The following CREBZF variants were observed in gnomAD, a reference collection of about 807,000 sequenced individuals.
The protein encoded by CREBZF is HCF-binding transcription factor Zhangfei.
Under a neutral mutation model 21.1 loss-of-function variants are expected in CREBZF, and 8 were observed. The ratio of observed to expected loss-of-function variants is 0.38; its 90% confidence interval spans 0.22 to 0.68. CREBZF has a LOEUF of 0.68. CREBZF is among the 30% of genes least tolerant of loss of function. The probability of loss-of-function intolerance (pLI) is 0.51; values close to 1 mark genes in which losing one functional copy is unlikely to be tolerated. For synonymous variants in CREBZF, 270 were observed against 223.3 expected, an observed-to-expected ratio of 1.21 and a Z score of -1.86; for missense variants, 518 against 484.3, an observed-to-expected ratio of 1.07 and a Z score of -0.65.
Position 85,671,253 on chromosome 11 carries a change from G to T in CREBZF, n.148-7652C>A, listed in dbSNP as rs182438680. 1.8e-4 allele frequency among the ~76,000 whole-genome samples: 28 copies of T among 152,304 alleles called. No homozygotes were observed. In the East Asian group the frequency reaches 5.2e-3, roughly 28 times the overall value. On this transcript the variant is annotated intron_variant and non_coding_transcript_variant, in intron 1 of 3. Transcript: ENST00000531515. ...AGACTTATTCACTACAGTGAAAACA[G>T]CATAGAAAAATTTGCCCCCATGATT...
At chr11:85,679,274 A>T (rs1000136799) in intron 1 of CREBZF, among the ~76,000 whole-genome samples, 1 of 152,170 alleles carries the variant, frequency 6.6e-6, no homozygotes, top group Non-Finnish European at 1.5e-5. Flanking sequence ...GGCTGGAGGA[A>T]CCTGCTATGC....
rs777997263 is a variant in CREBZF, at chr11:85,664,621, C to T, written c.255G>A (p.Glu85=). The change falls in exon 1 of 1, where the codon GAG becomes GAA. Residue 85 remains glutamate, a synonymous_variant. Transcript: ENST00000527447. The surrounding 1 kb of genome is among the most constrained non-coding windows in gnomAD (Gnocchi z 5.5). ...CCCCCGGGAGGCTGGCGATCGCCTC[C>T]TCCTCCATCTCCTCGGGGGAGGGCG... ...VRAPSPEEME[E]EAIASLPGEE... 6.2e-6 allele frequency: 10 copies of T among 1,612,784 alleles called. No homozygotes were observed. In the East Asian group the frequency reaches 1.8e-4, roughly 29 times the overall value.
At position 85,664,781 on chromosome 11, in the gene CREBZF, G is replaced by A. The variant is rs1441496556; in HGVS notation, c.95C>T (p.Pro32Leu). 1 of 1,588,514 alleles carries A rather than the reference G, an allele frequency of 6.3e-7. No individual in the cohort carries two copies. The highest frequency in any genetic ancestry group is 1.1e-5 in the South Asian group (1 of 88,372). ...CGCTGCAGCCCGGGTCAGGTCAGAG[G>A]GCAGCGAACAAGTTGCAGCCGGCTC... ...SPEPAATCSL[P>L]SDLTRAAAGE... The change falls in exon 1 of 1, where the codon CCC becomes CTC. Residue 32 changes from proline (P) to leucine (L), a missense_variant. Pro to Leu is a moderately conservative substitution (Grantham distance 98, BLOSUM62 -3). This residue lies in a region of CREBZF where 396 missense variants were observed against 324.4 expected (regional missense o/e 1.22). Transcript: ENST00000527447. This position sits in a 1 kb window ranked among gnomAD's most constrained non-coding sequence, Gnocchi z 5.5.
upstream of CREBZF, among the ~76,000 whole-genome samples, chr11:85,668,289 A>C (rs1388376187): frequency 6.6e-6 from 1 of 152,208 alleles, no homozygotes; most frequent in Non-Finnish European, 1.5e-5. Context: ...TTTTATGGAA[A>C]TTGCATTAAA....
chr11:85,678,497 A>G lies in CREBZF; in HGVS notation n.147+4220T>C, dbSNP rs150398784. Among the ~76,000 whole-genome samples, 8 of 152,344 alleles carry G rather than the reference A, an allele frequency of 5.3e-5. No homozygotes were observed. The East Asian group carries it at 1.5e-3, about 29-fold the overall frequency. ...TCTTGAAAATTTTCTCCCTAGCAAC[A>G]TTAACATAATTATTTTTTGCTTTAG... On this transcript the variant is annotated intron_variant and non_coding_transcript_variant, in intron 1 of 3. Coordinates refer to the CREBZF transcript ENST00000531515.
In CREBZF at chr11:85,664,462, A is replaced by G; in HGVS notation, c.414T>C (p.Asp138=). 1 of 1,613,568 alleles carries G rather than the reference A, an allele frequency of 6.2e-7. No individual in the cohort carries two copies. The highest frequency in any genetic ancestry group is 8.5e-7 in the Non-Finnish European group (1 of 1,179,924). ...CGTCCCCTCTCCACAGGCCGCCGCT[A>G]TCCGAGCCTCCGCCAGACGAGGAGA... ...GPLSSSGGGS[D]SGGLWRGDDD... Residue 138 remains aspartate, a synonymous_variant, in exon 1 of 1, where the codon GAT becomes GAC. Transcript: ENST00000527447. The surrounding 1 kb of genome is among the most constrained non-coding windows in gnomAD (Gnocchi z 5.5).
In CREBZF at chr11:85,664,888, C is replaced by T. The variant is rs765207102; in HGVS notation, c.-13G>A. On this transcript the variant is annotated 5_prime_UTR_variant, in exon 1 of 1. Coordinates refer to ENST00000527447, the MANE Select transcript of CREBZF (RefSeq NM_001039618.4). This position sits in a 1 kb window ranked among gnomAD's most constrained non-coding sequence, Gnocchi z 5.5. ...GGCTATGCCTCATGAGGGCCAGCGG[C>T]GGGCCGCGGTAGGCCCCGGCCGCTA... 2.1e-5 allele frequency: 30 copies of T among 1,451,060 alleles called. No homozygotes were observed. The highest frequency in any genetic ancestry group is 2.6e-4 in the Middle Eastern group (1 of 3,852). The allele number at this position is 1,451,060 out of a possible 1,614,324, so 89.9% of individuals were successfully genotyped here.
chr11:85,663,944 C>G lies in CREBZF; in HGVS notation c.932G>C (p.Gly311Ala). The G allele has an allele frequency of 3.1e-6, 5 of 1,613,888 alleles. No homozygotes were observed. The highest frequency in any genetic ancestry group is 4.2e-6 in the Non-Finnish European group (5 of 1,180,030). ...TTCCAGCAGGTCCTGCTTCTGCTTT[C>G]CCACCGGCAGAGCGTAGTCGTGGTC... The part of the protein sequence containing the change: ...AGDHDYALPV[G>A]KQKQDLLEED... Residue 311 changes from glycine to alanine, a missense_variant, in exon 1 of 1, where the codon GGA (glycine) becomes GCA (alanine). Physicochemically the swap from Gly to Ala is moderately conservative, Grantham distance 60. Transcript: ENST00000527447.
At position 85,662,764 on chromosome 11, in the gene CREBZF, CAA is replaced by C. The variant is rs1356625552; in HGVS notation, c.*1045_*1046del. On this transcript the variant is annotated 3_prime_UTR_variant, in exon 1 of 1. Transcript: ENST00000527447. ...GTTTTCATTCACATTTCACAACCTT[CAA>C]TATCTAATCATACATATATAAATTT... 3 of 248,324 alleles carry C rather than the reference CAA, an allele frequency of 1.2e-5. No individual in the cohort carries two copies. The highest frequency in any genetic ancestry group is 1.5e-5 in the Non-Finnish European group (2 of 130,918). The allele number at this position is 248,324 out of a possible 1,614,324, so 15.4% of individuals were successfully genotyped here.
upstream of CREBZF, among the ~76,000 whole-genome samples, chr11:85,665,777 A>G (rs1591485970): frequency 6.6e-6 from 1 of 152,176 alleles, no homozygotes; most frequent in Non-Finnish European, 1.5e-5. Context: ...CCAAAATCCA[A>G]TCAGTACTGA....
At chr11:85,665,933 C>A (rs2082854991), upstream of CREBZF, among the ~76,000 whole-genome samples, 1 of 152,230 alleles carries the variant, frequency 6.6e-6, no homozygotes, top group East Asian at 1.9e-4. Context: ...CGACCTTATA[C>A]AAAACCTCTG....
Position 85,659,439 on chromosome 11 carries a change from T to G in CREBZF, c.*4372A>C, listed in dbSNP as rs1025977101. On this transcript the variant is annotated 3_prime_UTR_variant, in exon 1 of 1. Transcript: ENST00000527447. ...GCTGTACTGTAGGAGCATCAGCGCC[T>G]AAGTTTTAAGCCAGTGGGAATACTC... Among the ~76,000 whole-genome samples, 1 of 152,096 alleles carries G rather than the reference T, an allele frequency of 6.6e-6. No homozygotes were observed. The highest frequency in any genetic ancestry group is 2.4e-5 in the African/African-American group (1 of 41,450).
Position 85,662,655 on chromosome 11 carries a change from C to G in CREBZF, c.*1156G>C. On this transcript the variant is annotated 3_prime_UTR_variant, in exon 1 of 1. Transcript: ENST00000527447. ...CGTGTCATTTAAGTGGCCAGAACCA[C>G]TCAATTTAAAAAATTATTTTAAAAT... The G allele has an allele frequency of 2.4e-6, 1 of 414,460 alleles. No homozygotes were observed. Among genetic ancestry groups the G allele is most frequent in the East Asian group, 3.4e-5 (1 of 29,756 alleles). The allele number at this position is 414,460 out of a possible 1,614,324, so 25.7% of individuals were successfully genotyped here.
chr11:85,679,487 G>C (rs1311049788), intron 1 of CREBZF, among the ~76,000 whole-genome samples: 3 of 152,204 alleles, frequency 2.0e-5, no homozygotes, highest in African/African-American at 7.2e-5. Flanking sequence ...GATCAGAAAT[G>C]AAAGATCAGA....
chr11:85,666,565 C>T (rs901592357), upstream of CREBZF, among the ~76,000 whole-genome samples: 1 of 152,200 alleles, frequency 6.6e-6, no homozygotes, highest in Non-Finnish European at 1.5e-5. Context: ...CTTAAAGAAA[C>T]TTCTCTATAG....
At position 85,659,552 on chromosome 11, in the gene CREBZF, CTG is replaced by C; in HGVS notation, c.*4257_*4258del. Among the ~76,000 whole-genome samples the C allele has an allele frequency of 6.6e-6, 1 of 152,154 alleles. No homozygotes were observed. Among genetic ancestry groups the C allele is most frequent in the South Asian group, 2.1e-4 (1 of 4,824 alleles). On this transcript the variant is annotated 3_prime_UTR_variant, in exon 1 of 1. Coordinates refer to ENST00000527447, the MANE Select transcript of CREBZF (RefSeq NM_001039618.4). The stretch of plus-strand genomic sequence containing the variant: ...AAGTTTTGAATAATACAATAACCAA[CTG>C]TATATTTATTATGAAGTAAAAGCCA...
intron 1 of CREBZF, among the ~76,000 whole-genome samples, chr11:85,681,506 T>C (rs946032963): frequency 1.3e-5 from 2 of 152,232 alleles, no homozygotes; most frequent in African/African-American, 4.8e-5. Context: ...TTTCAAGCTC[T>C]CTTTCATAAT....
chr11:85,658,314 A>C lies in CREBZF; in HGVS notation c.*5497T>G, dbSNP rs1325038213. ...ATTCCTAGTCCAATTACTCCCTAGC[A>C]TAATACCATTTATAAATGAGGATGA... On this transcript the variant is annotated 3_prime_UTR_variant, in exon 1 of 1. Transcript: ENST00000527447. Among the ~76,000 whole-genome samples the C allele has an allele frequency of 6.6e-6, 1 of 152,050 alleles. No homozygotes were observed. The highest frequency in any genetic ancestry group is 1.5e-5 in the Non-Finnish European group (1 of 67,876).
upstream of CREBZF, among the ~76,000 whole-genome samples, chr11:85,666,010 G>T (rs1227603348): frequency 6.6e-6 from 1 of 152,158 alleles, no homozygotes; most frequent in South Asian, 2.1e-4. Flanking sequence ...ATTGACCTTT[G>T]TAGCTAAGAT....
Sources: allele counts gnomAD v4.1 joint callset (sites outside exome capture counted in the v4.1 genomes callset), GRCh38; gene constraint gnomAD v4.1.1; regional missense constraint gnomAD v4.1.1; non-coding constraint Gnocchi (gnomAD v3.1); transcripts MANE v1.5; gene names NCBI Gene and HGNC (gene_info 2026-07-23, HGNC 2026-07-21).